The following VRK2 variants were observed in gnomAD, a reference collection of about 807,000 sequenced individuals.
The protein encoded by VRK2 is serine/threonine-protein kinase VRK2.
VRK2 carries 60 observed loss-of-function variants against 57.6 expected under a neutral mutation model. That is an observed-to-expected ratio of 1.04 (90% CI 0.85 to 1.29). The LOEUF (loss-of-function observed/expected upper bound fraction) is 1.29. VRK2 is among the 50% of genes most tolerant of loss of function. The pLI is 0.00. For missense variants in VRK2, 705 were observed against 588.1 expected (o/e 1.20, Z -2.06); for synonymous variants, 231 against 199.2 (o/e 1.16, Z -1.35).
chr2:57,910,359 T>G (rs1490426679), intron 1 of VRK2, among the ~76,000 whole-genome samples: 5 of 152,120 alleles, frequency 3.3e-5, no homozygotes, highest in African/African-American at 4.8e-5. Flanking sequence ...ATTATGACAA[T>G]AAAACACAAC....
At chr2:58,044,560 T>G (rs1049615458), upstream of VRK2, among the ~76,000 whole-genome samples, 3 of 152,186 alleles carry the variant, frequency 2.0e-5, no homozygotes, top group Non-Finnish European at 4.4e-5. Context: ...TATATTGCTG[T>G]ATAGCAGTAG....
chr2:58,002,460 A>G (rs1235639083), intron 1 of VRK2, among the ~76,000 whole-genome samples: 1 of 152,122 alleles, frequency 6.6e-6, no homozygotes, highest in Non-Finnish European at 1.5e-5. Context: ...GGGCAACAAG[A>G]GCGAAATTCC....
intron 1 of VRK2, among the ~76,000 whole-genome samples, chr2:57,963,273 G>T (rs1268684646): frequency 1.3e-5 from 2 of 152,132 alleles, no homozygotes; most frequent in African/African-American, 2.4e-5. Context: ...TGTGTCTGTA[G>T]TCTGTTTTTC....
intron 1 of VRK2, among the ~76,000 whole-genome samples, chr2:58,003,046 A>C (rs1325722815): frequency 6.6e-6 from 1 of 152,228 alleles, no homozygotes; most frequent in Non-Finnish European, 1.5e-5. Context: ...AATTTAGGTA[A>C]ATAAACTCAA....
chr2:57,950,615 C>A (rs1423859455), intron 1 of VRK2, among the ~76,000 whole-genome samples: 2 of 152,204 alleles, frequency 1.3e-5, no homozygotes, highest in Non-Finnish European at 2.9e-5. Flanking sequence ...TGTCTTCGTG[C>A]CTGCTAACAC....
chr2:58,021,011 T>C (rs1307035971), intron 1 of VRK2, among the ~76,000 whole-genome samples: 1 of 152,194 alleles, frequency 6.6e-6, no homozygotes, highest in Non-Finnish European at 1.5e-5. Context: ...CAAAGTATGT[T>C]AAAATTGGTT....
At chr2:58,032,560 G>T (rs946047119) in intron 2 of VRK2, among the ~76,000 whole-genome samples, 1 of 151,994 alleles carries the variant, frequency 6.6e-6, no homozygotes, top group South Asian at 2.1e-4. Flanking sequence ...GCCTTGGACT[G>T]ACGCAGTTCT....
At chr2:58,139,569 G>A in intron 10 of VRK2, 97 bp from the exon 11 acceptor site, 1 of 1,061,942 alleles carries the variant, frequency 9.4e-7, no homozygotes, top group Non-Finnish European at 1.4e-6. Flanking sequence ...AGATGTAAAT[G>A]TGTAAAAGAC....
intron 1 of VRK2, among the ~76,000 whole-genome samples, chr2:57,933,309 CTTTTTTT>C (rs71394403): frequency 1.3e-4 from 8 of 63,304 alleles, no homozygotes; most frequent in African/African-American, 4.6e-4. Flanking sequence ...CTTTCTTTTT[CTTTTTTT>C]TTTTTTTTTT....
intron 7 of VRK2, among the ~76,000 whole-genome samples, chr2:58,109,519 C>A (rs1675243944): frequency 6.6e-6 from 1 of 152,022 alleles, no homozygotes; most frequent in Non-Finnish European, 1.5e-5. Context: ...TGGGGAGGCC[C>A]CAGGTAACTG....
intron 11 of VRK2, among the ~76,000 whole-genome samples, chr2:58,144,621 C>T (rs945138484): frequency 1.1e-4 from 16 of 151,822 alleles, no homozygotes; most frequent in South Asian, 1.0e-3. Context: ...TAAAACAGTA[C>T]GCAAGAACCA....
At chr2:58,153,629 G>T (rs1312803204) in intron 12 of VRK2, among the ~76,000 whole-genome samples, 1 of 152,098 alleles carries the variant, frequency 6.6e-6, no homozygotes, top group African/African-American at 2.4e-5. Flanking sequence ...ATTTTAATGA[G>T]GAGTTTTACA....
At chr2:58,094,717 A>G (rs1206021702) in intron 7 of VRK2, among the ~76,000 whole-genome samples, 1 of 152,122 alleles carries the variant, frequency 6.6e-6, no homozygotes, top group Non-Finnish European at 1.5e-5. Context: ...TTCCAACACT[A>G]TTTATTTTAA....
At chr2:58,041,502 A>T (rs576103538) in intron 3 of VRK2, among the ~76,000 whole-genome samples, 1 of 152,262 alleles carries the variant, frequency 6.6e-6, no homozygotes, top group African/African-American at 2.4e-5. Flanking sequence ...CTTTGGACTG[A>T]CGAGACAGAC....
At chr2:57,947,826 G>A (rs1188594753) in intron 1 of VRK2, among the ~76,000 whole-genome samples, 1 of 152,022 alleles carries the variant, frequency 6.6e-6, no homozygotes, top group African/African-American at 2.4e-5. Flanking sequence ...AAATGAGATG[G>A]GCTCAAATTA....
intron 1 of VRK2, among the ~76,000 whole-genome samples, chr2:58,004,767 C>T (rs538190305): frequency 4.6e-5 from 7 of 152,230 alleles, no homozygotes; most frequent in East Asian, 3.9e-4. Flanking sequence ...TATCTGAGTA[C>T]TTTCAATAAA....
intron 2 of VRK2, among the ~76,000 whole-genome samples, chr2:58,067,313 G>T (rs1668741238): frequency 6.6e-6 from 1 of 152,104 alleles, no homozygotes; most frequent in Non-Finnish European, 1.5e-5. Flanking sequence ...TTGTGATCAT[G>T]TGAATCCTTA....
At chr2:58,121,380 C>T (rs1048280178) in intron 7 of VRK2, among the ~76,000 whole-genome samples, 6 of 152,068 alleles carry the variant, frequency 3.9e-5, no homozygotes, top group African/African-American at 1.4e-4. Context: ...AATGTGAAGC[C>T]TGTTTAGTTC....
At chr2:58,008,723 T>C (rs575198877) in intron 1 of VRK2, among the ~76,000 whole-genome samples, 21 of 151,882 alleles carry the variant, frequency 1.4e-4, no homozygotes, top group African/African-American at 5.1e-4. Context: ...GAGGAAATGG[T>C]TAATACATAA....
Sources: gnomAD v4.1 joint callset for allele counts (sites outside exome capture counted in the v4.1 genomes callset) on GRCh38, gnomAD v4.1.1 for gene constraint, MANE v1.5 for transcripts, NCBI Gene and HGNC (gene_info 2026-07-23, HGNC 2026-07-21) for gene names.